NRXN1: variants seen among roughly 807,000 people sequenced by gnomAD.
NRXN1 encodes neurexin-1.
NRXN1 carries 39 observed loss-of-function variants against 150.9 expected under a neutral mutation model. That is an observed-to-expected ratio of 0.26 (90% confidence interval 0.20 to 0.34). NRXN1 has a LOEUF of 0.34. Ranked by LOEUF, NRXN1 falls within the 10% of genes least tolerant of loss-of-function variation. The probability of loss-of-function intolerance (pLI) is 1.00; values close to 1 mark genes in which losing one functional copy is unlikely to be tolerated. For missense variants in NRXN1, 1,815 were observed against 1,949.9 expected (o/e 0.93, Z 1.30); for synonymous variants, 924 against 757.0 (o/e 1.22, Z -3.62).
chr2:50,444,785 T>TGGA (rs2104476699), intron 17 of NRXN1, among the ~76,000 whole-genome samples: 1 of 152,310 alleles, frequency 6.6e-6, no homozygotes, highest in Non-Finnish European at 1.5e-5. Flanking sequence ...TGAGCTGTAC[T>TGGA]GGAGCCTGAG....
chr2:50,496,171 G>C, intron 14 of NRXN1, 76 bp from the exon 15 acceptor site: 1 of 1,193,566 alleles, frequency 8.4e-7, no homozygotes. Flanking sequence ...TATTACAAAT[G>C]GAGATTTTTT....
In NRXN1 at chr2:50,447,737, TTATATATATATA is replaced by T. The variant is rs70948710; in HGVS notation, c.3364+17693_3364+17704del. ...AAATCACATAGTAAGCAGGGGAACGTTATATATATATATATATATATATATATATATATATAT... is the reference window on the plus strand; with the variant it reads ...AAATCACATAGTAAGCAGGGGAACGTTATATATATATATATATATATATAT... On this transcript the variant is annotated intron_variant, in intron 17 of 22. Transcript: ENST00000401669. Among the ~76,000 whole-genome samples, 72 of 37,928 alleles carry T rather than the reference TTATATATATATA, an allele frequency of 1.9e-3. 4 individuals are homozygous for T. The highest frequency in any genetic ancestry group is 0.014 in the East Asian group (7 of 486). The allele number at this position is 37,928 out of a possible 152,430, so 24.9% of individuals were successfully genotyped here. A position where few individuals can be genotyped will look rare whatever the true frequency, so the allele number is the denominator to read the frequency against.
chr2:50,969,750 G>A (rs1694717821), intron 2 of NRXN1, among the ~76,000 whole-genome samples: 1 of 152,108 alleles, frequency 6.6e-6, no homozygotes, highest in African/African-American at 2.4e-5. Flanking sequence ...TTAGGGCAAA[G>A]TACTGTAGAG....
At chr2:50,126,736 T>A (rs923477837) in intron 18 of NRXN1, among the ~76,000 whole-genome samples, 2 of 152,088 alleles carry the variant, frequency 1.3e-5, no homozygotes, top group African/African-American at 4.8e-5. Flanking sequence ...TTAACATTAA[T>A]GGAAACTATG....
At chr2:49,995,757 A>G (rs113480940) in intron 21 of NRXN1, among the ~76,000 whole-genome samples, 3 of 131,514 alleles carry the variant, frequency 2.3e-5, no homozygotes, top group African/African-American at 5.8e-5. Context: ...ATCCAGCCTG[A>G]GCGACAGAGC....
At chr2:50,383,517 T>G (rs2081115690) in intron 17 of NRXN1, among the ~76,000 whole-genome samples, 1 of 152,188 alleles carries the variant, frequency 6.6e-6, no homozygotes, top group Non-Finnish European at 1.5e-5. Context: ...TGGGGCACAA[T>G]GTGATGTTTC....
chr2:49,969,942 C>T (rs1055395368), intron 21 of NRXN1: 2 of 152,164 alleles, frequency 1.3e-5, no homozygotes, highest in South Asian at 4.1e-4. Context: ...TGGAACCCTA[C>T]AAGACTCATT....
At chr2:50,603,387 T>C (rs1676591794) in intron 8 of NRXN1, among the ~76,000 whole-genome samples, 1 of 152,144 alleles carries the variant, frequency 6.6e-6, no homozygotes, top group Non-Finnish European at 1.5e-5. Flanking sequence ...GACTTTTACA[T>C]CTTGTGCTGC....
chr2:50,095,219 G>C (rs1700065708), intron 18 of NRXN1, among the ~76,000 whole-genome samples: 1 of 152,182 alleles, frequency 6.6e-6, no homozygotes, highest in South Asian at 2.1e-4. Context: ...GTGAACGGAT[G>C]ACCTTTTTAC....
At chr2:51,021,042 C>T (rs1024364755) in intron 2 of NRXN1, among the ~76,000 whole-genome samples, 1 of 151,758 alleles carries the variant, frequency 6.6e-6, no homozygotes, top group African/African-American at 2.4e-5. Flanking sequence ...TTACCTATTC[C>T]TATACTTATG....
At chr2:50,572,073 G>A (rs1278705363) in intron 8 of NRXN1, among the ~76,000 whole-genome samples, 1 of 152,174 alleles carries the variant, frequency 6.6e-6, no homozygotes, top group Non-Finnish European at 1.5e-5. Flanking sequence ...GGGTTGCAGA[G>A]AAGTCCTTTG....
chr2:50,887,545 A>T (rs1326739440), intron 5 of NRXN1, among the ~76,000 whole-genome samples: 1 of 151,430 alleles, frequency 6.6e-6, no homozygotes, highest in African/African-American at 2.4e-5. Flanking sequence ...TTAATGGCTC[A>T]CTAAAGTCTT....
rs772808203 is a variant in NRXN1 at position 50,684,025 on chromosome 2, G to C, written c.833-60410C>G. 3.3e-5 allele frequency among the ~76,000 whole-genome samples: 5 copies of C among 151,644 alleles called. No individual in the cohort carries two copies. In the South Asian group the frequency reaches 6.3e-4, roughly 19 times the overall value. On this transcript the variant is annotated intron_variant, in intron 5 of 22. Coordinates refer to ENST00000401669, the MANE Select transcript of NRXN1 (RefSeq NM_001330078.2). ...CCATCCATCTATGCATTTCATCTTT[G>C]GCAATTTTCTGTTCTTTTAGTTAAG... is the stretch of plus-strand genomic sequence containing the variant.
At chr2:50,613,339 C>T (rs1181871458) in intron 8 of NRXN1, among the ~76,000 whole-genome samples, 1 of 152,074 alleles carries the variant, frequency 6.6e-6, no homozygotes, top group African/African-American at 2.4e-5. Flanking sequence ...CTAGGCTGTA[C>T]AGAATAGAAC....
At chr2:50,481,485 A>T (rs1309916278) in intron 15 of NRXN1, among the ~76,000 whole-genome samples, 2 of 152,238 alleles carry the variant, frequency 1.3e-5, no homozygotes, top group African/African-American at 2.4e-5. Flanking sequence ...AAATTTTATC[A>T]AAATGTTTTT....
intron 5 of NRXN1, among the ~76,000 whole-genome samples, chr2:50,708,126 A>T (rs1422854219): frequency 1.3e-5 from 2 of 152,184 alleles, no homozygotes; most frequent in Non-Finnish European, 2.9e-5. Flanking sequence ...GCTGGCCAAC[A>T]CTCAAGATTA....
intron 11 of NRXN1, 76 bp from the exon 12 acceptor site, chr2:50,528,727 A>T (rs940423496): frequency 1.1e-6 from 1 of 886,438 alleles, no homozygotes; most frequent in Non-Finnish European, 1.8e-6. Context: ...ATAAAATTAC[A>T]GTCCACCCTT....
chr2:50,540,332 A>G (rs902543244), intron 9 of NRXN1, among the ~76,000 whole-genome samples: 5 of 152,258 alleles, frequency 3.3e-5, no homozygotes, highest in Non-Finnish European at 7.3e-5. Flanking sequence ...TTAGGAACAT[A>G]TGGGAACCAT....
At position 50,341,900 on chromosome 2, in the gene NRXN1, A is replaced by T. The variant is rs182429050; in HGVS notation, c.3365-104930T>A. Among the ~76,000 whole-genome samples, 984 of 152,254 alleles carry T rather than the reference A, an allele frequency of 6.5e-3. 9 individuals carry two copies. The highest frequency in any genetic ancestry group is 8.1e-3 in the South Asian group (39 of 4,824). ...TGATTGCTACATATACATAAACTTT[A>T]TGTTTTTTGCATTTATGCTTGGAAA... On this transcript the variant is annotated intron_variant, in intron 17 of 22. Coordinates refer to ENST00000401669, the MANE Select transcript of NRXN1 (RefSeq NM_001330078.2).
Sources: gnomAD v4.1 joint callset for allele counts (sites outside exome capture counted in the v4.1 genomes callset) on GRCh38, gnomAD v4.1.1 for gene constraint, MANE v1.5 for transcripts, NCBI Gene and HGNC (gene_info 2026-07-23, HGNC 2026-07-21) for gene names.